The following ZFAT variants were observed in gnomAD, a reference collection of about 807,000 sequenced individuals.
ZFAT encodes the protein zinc finger and AT-hook domain containing, also known as zinc finger protein ZFAT.
Under a neutral mutation model 117.7 loss-of-function variants are expected in ZFAT, and 64 were observed. The ratio of observed to expected loss-of-function variants is 0.54; its 90% CI spans 0.44 to 0.67. The LOEUF is 0.67. Among genes scored for constraint, ZFAT ranks in the 30% least tolerant of loss-of-function variants. The pLI is 0.00. For synonymous variants in ZFAT, 679 were observed against 615.0 expected, an observed-to-expected ratio of 1.10 and a Z score of -1.54; for missense variants, 1,433 against 1,584.5, an observed-to-expected ratio of 0.90 and a Z score of 1.62.
At chr8:134,686,213 G>A (rs1188617359) in intron 1 of ZFAT, among the ~76,000 whole-genome samples, 1 of 152,224 alleles carries the variant, frequency 6.6e-6, no homozygotes, top group African/African-American at 2.4e-5. Context: ...GGGCTTTCCC[G>A]TGTATGCCCA....
chr8:134,753,395 T>C, the ZFAT span, among the ~76,000 whole-genome samples: 117,874 of 151,886 alleles, frequency 0.78, 45,876 homozygotes, highest in African/African-American at 0.83. Flanking sequence ...AATTATAACT[T>C]ATGAATGACT....
At chr8:134,624,513 C>T (rs568009628) in intron 3 of ZFAT, among the ~76,000 whole-genome samples, 125 of 152,158 alleles carry the variant, frequency 8.2e-4, no homozygotes, top group African/African-American at 2.9e-3. Flanking sequence ...AAAAATTAGC[C>T]GGGCATGGGG....
chr8:134,679,002 G>A (rs2131291724), intron 1 of ZFAT, among the ~76,000 whole-genome samples: 1 of 152,158 alleles, frequency 6.6e-6, no homozygotes, highest in East Asian at 1.9e-4. Context: ...GAAAACCTAG[G>A]CAATACCATT....
At chr8:134,544,658 G>A (rs2130653890) in intron 11 of ZFAT, among the ~76,000 whole-genome samples, 1 of 152,174 alleles carries the variant, frequency 6.6e-6, no homozygotes, top group Non-Finnish European at 1.5e-5. Context: ...TAGAAGAAAA[G>A]GTGGAGGAGG....
chr8:134,809,385 G>A, the ZFAT span, among the ~76,000 whole-genome samples: 1 of 152,144 alleles, frequency 6.6e-6, no homozygotes, highest in African/African-American at 2.4e-5. Flanking sequence ...TCAATAACAT[G>A]CCTAAAGCCT....
At chr8:134,710,419 G>A (rs1813950594) in intron 1 of ZFAT, among the ~76,000 whole-genome samples, 1 of 152,184 alleles carries the variant, frequency 6.6e-6, no homozygotes, top group Non-Finnish European at 1.5e-5. Context: ...AATGGTCTTT[G>A]TTTCAAAACC....
the ZFAT span, among the ~76,000 whole-genome samples, chr8:134,830,431 A>G: frequency 2.6e-5 from 4 of 152,236 alleles, no homozygotes; most frequent in Non-Finnish European, 4.4e-5. Flanking sequence ...ACATGCCACA[A>G]GGACTCAATT....
rs752391059 is a variant in ZFAT at position 134,657,651 on chromosome 8, T to C, written c.106A>G (p.Met36Val). ...ELLSHVSEKHMEEGVNVDEII... is the reference protein window; with the variant it reads ...ELLSHVSEKHVEEGVNVDEII... Reference sequence around the variant, plus strand: ...TCATCAACATTAACCCCTTCTTCCATGTGCTTCTCTGAAACGTGGGAGAGG... The same window carrying C: ...TCATCAACATTAACCCCTTCTTCCACGTGCTTCTCTGAAACGTGGGAGAGG... Residue 36 changes from methionine to valine, a missense_variant, in exon 2 of 16, where the codon ATG (methionine) becomes GTG (valine). By Grantham distance (21) the Met-to-Val change is conservative. Coordinates refer to ENST00000377838, the MANE Select transcript of ZFAT (RefSeq NM_020863.4). The C allele has an allele frequency of 1.4e-5, 23 of 1,614,142 alleles. No homozygotes were observed. Among genetic ancestry groups the C allele is most frequent in the Non-Finnish European group, 1.6e-5 (19 of 1,180,022 alleles).
intron 1 of ZFAT, among the ~76,000 whole-genome samples, chr8:134,686,780 G>A (rs1243453239): frequency 6.6e-6 from 1 of 152,164 alleles, no homozygotes; most frequent in African/African-American, 2.4e-5. Context: ...GAAGCATCAT[G>A]AGGGGTACCC....
the ZFAT span, among the ~76,000 whole-genome samples, chr8:134,726,385 G>C: frequency 6.6e-6 from 1 of 152,194 alleles, no homozygotes; most frequent in Non-Finnish European, 1.5e-5. Context: ...CTCTGGGAGG[G>C]GCTGCATGTG....
chr8:134,505,633 T>C (rs2130320338), intron 15 of ZFAT, among the ~76,000 whole-genome samples: 2 of 151,932 alleles, frequency 1.3e-5, no homozygotes, highest in South Asian at 2.1e-4. Flanking sequence ...TCAGAGTGAG[T>C]GGATGTCAGA....
At chr8:134,813,421 T>A in the ZFAT span, among the ~76,000 whole-genome samples, 191 of 152,298 alleles carry the variant, frequency 1.3e-3, no homozygotes, top group African/African-American at 4.4e-3. Flanking sequence ...GCCATCTAAT[T>A]CTTTTTTTTG....
chr8:134,725,592 G>A, the ZFAT span, among the ~76,000 whole-genome samples: 12,013 of 152,000 alleles, frequency 0.079, 662 homozygotes, highest in African/African-American at 0.15. Context: ...CCACCGCCAC[G>A]ATCTAATCAC....
In ZFAT at chr8:134,555,322, C is replaced by T. The variant is rs969861397; in HGVS notation, c.2976+10011G>A. 5.9e-5 allele frequency among the ~76,000 whole-genome samples: 9 copies of T among 152,146 alleles called. No individual in the cohort carries two copies. In the South Asian group the frequency reaches 1.0e-3, roughly 17 times the overall value. ...GCCTAGCATGTACCAAAATTCCATA[C>T]TCCCAGAAATAAAGGCAGGTATTCA... On this transcript the variant is annotated intron_variant, in intron 11 of 15. Transcript: ENST00000377838.
the ZFAT span, among the ~76,000 whole-genome samples, chr8:134,737,109 C>T: frequency 4.5e-3 from 682 of 152,078 alleles, 8 homozygotes; most frequent in African/African-American, 0.016. Context: ...GGAGAAACCC[C>T]GTCTCTACTA....
the ZFAT span, among the ~76,000 whole-genome samples, chr8:134,811,037 A>C: frequency 6.6e-6 from 1 of 152,204 alleles, no homozygotes; most frequent in Non-Finnish European, 1.5e-5. Flanking sequence ...AAAACACAGA[A>C]GAGAGAAACA....
intron 9 of ZFAT, among the ~76,000 whole-genome samples, chr8:134,585,878 C>G (rs1055325948): frequency 1.3e-5 from 2 of 152,232 alleles, no homozygotes; most frequent in Admixed American, 1.3e-4. Flanking sequence ...AGTTGCAGGT[C>G]CTCTAAGCAA....
the ZFAT span, among the ~76,000 whole-genome samples, chr8:134,810,046 A>G: frequency 1.3e-5 from 2 of 152,190 alleles, no homozygotes; most frequent in Non-Finnish European, 2.9e-5. Flanking sequence ...CAGAGATCCT[A>G]AACTCTGCTT....
Position 134,712,922 on chromosome 8 carries a change from G to A in ZFAT, c.-59C>T. 2.7e-6 allele frequency: 4 copies of A among 1,460,634 alleles called. No individual in the cohort carries two copies. The highest frequency in any genetic ancestry group is 1.5e-5 in the African/African-American group (1 of 66,776). The allele number at this position is 1,460,634 out of a possible 1,614,324, so 90.5% of individuals were successfully genotyped here. On this transcript the variant is annotated 5_prime_UTR_variant, in exon 1 of 16. Coordinates refer to ENST00000377838, the MANE Select transcript of ZFAT (RefSeq NM_020863.4). Reference sequence around the variant, plus strand: ...CGGGCTCTTCCGGGCCCCCTCCCGTGCCGACCGAGGGGGCGGGGCGCCCTG... The same window carrying A: ...CGGGCTCTTCCGGGCCCCCTCCCGTACCGACCGAGGGGGCGGGGCGCCCTG...
Sources: allele counts gnomAD v4.1 joint callset (sites outside exome capture counted in the v4.1 genomes callset), GRCh38; gene constraint gnomAD v4.1.1; transcripts MANE v1.5; gene names NCBI Gene and HGNC (gene_info 2026-07-23, HGNC 2026-07-21).